The following STRN variants were observed in gnomAD, a reference collection of about 807,000 sequenced individuals.
STRN encodes the protein protein phosphatase 2 regulatory subunit B'''alpha.
Under a neutral mutation model 96.3 loss-of-function variants are expected in STRN, and 53 were observed. That is an observed-to-expected ratio of 0.55 (90% confidence interval 0.44 to 0.69). STRN has a LOEUF of 0.69. Among genes scored for constraint, STRN ranks in the 30% least tolerant of loss-of-function variants. The pLI is 0.00. For synonymous variants in STRN, 428 were observed against 355.9 expected, an observed-to-expected ratio of 1.20 and a Z score of -2.28; for missense variants, 987 against 963.9, an observed-to-expected ratio of 1.02 and a Z score of -0.32.
chr2:36,860,234 G>A (rs905452795), intron 13 of STRN, among the ~76,000 whole-genome samples: 4 of 152,152 alleles, frequency 2.6e-5, no homozygotes, highest in African/African-American at 9.7e-5. Flanking sequence ...AGTCACAAAA[G>A]AAACTAAAAT....
At chr2:36,949,029 G>A (rs945472777) in intron 1 of STRN, among the ~76,000 whole-genome samples, 9 of 152,186 alleles carry the variant, frequency 5.9e-5, no homozygotes, top group Admixed American at 3.3e-4. Context: ...ATACATGATG[G>A]TGGTCCCATA....
chr2:36,922,787 T>C (rs905330523), intron 2 of STRN, among the ~76,000 whole-genome samples: 16 of 151,952 alleles, frequency 1.1e-4, no homozygotes, highest in Admixed American at 3.9e-4. Context: ...CACCTTCTTA[T>C]TTGATGCTAT....
chr2:36,908,546 G>T (rs539985538), intron 3 of STRN, among the ~76,000 whole-genome samples: 2 of 152,228 alleles, frequency 1.3e-5, no homozygotes, highest in Middle Eastern at 6.8e-3. Flanking sequence ...GGAGAGATTT[G>T]TGAAAACACT....
intron 3 of STRN, among the ~76,000 whole-genome samples, chr2:36,915,183 CA>C (rs1314006187): frequency 8.2e-6 from 1 of 121,566 alleles, no homozygotes; most frequent in Non-Finnish European, 1.7e-5. Context: ...GGTGACAGAG[CA>C]AGACTCCGTC....
intron 2 of STRN, among the ~76,000 whole-genome samples, chr2:36,919,738 T>C (rs1670200666): frequency 6.6e-6 from 1 of 152,204 alleles, no homozygotes; most frequent in Admixed American, 6.5e-5. Context: ...GACAGTTAAG[T>C]TACTACAGTA....
intron 3 of STRN, among the ~76,000 whole-genome samples, chr2:36,912,455 A>G (rs1669987671): frequency 6.6e-6 from 1 of 152,200 alleles, no homozygotes; most frequent in Non-Finnish European, 1.5e-5. Flanking sequence ...CTGAGAATTA[A>G]CCAGTAGTGG....
intron 5 of STRN, among the ~76,000 whole-genome samples, chr2:36,901,839 C>T (rs1669691717): frequency 6.6e-6 from 1 of 152,220 alleles, no homozygotes; most frequent in African/African-American, 2.4e-5. Context: ...AATTTATATT[C>T]CAAATAGCAG....
intron 15 of STRN, among the ~76,000 whole-genome samples, chr2:36,852,875 G>A (rs1668254555): frequency 6.6e-6 from 1 of 152,136 alleles, no homozygotes; most frequent in Non-Finnish European, 1.5e-5. Context: ...TATAAAATGT[G>A]GCTGGGCACG....
At chr2:36,954,827 C>G (rs540925872) in intron 1 of STRN, among the ~76,000 whole-genome samples, 3 of 151,844 alleles carry the variant, frequency 2.0e-5, no homozygotes, top group Admixed American at 6.6e-5. Flanking sequence ...TTAGTAGAAA[C>G]GGGGTTTCAC....
At chr2:36,941,163 A>C (rs1265142449) in intron 1 of STRN, among the ~76,000 whole-genome samples, 1 of 152,220 alleles carries the variant, frequency 6.6e-6, no homozygotes, top group Non-Finnish European at 1.5e-5. Context: ...TCTCAAAACA[A>C]AGGAAGTAAA....
At chr2:36,951,990 C>T (rs752574399) in intron 1 of STRN, among the ~76,000 whole-genome samples, 1 of 152,232 alleles carries the variant, frequency 6.6e-6, no homozygotes, top group Non-Finnish European at 1.5e-5. Context: ...TTGTGCGGCA[C>T]TCCCAAGAAT....
intron 9 of STRN, among the ~76,000 whole-genome samples, chr2:36,880,111 G>T (rs1309456870): frequency 6.6e-6 from 1 of 152,164 alleles, no homozygotes; most frequent in Non-Finnish European, 1.5e-5. Flanking sequence ...GAGATTACAG[G>T]CACCTGCCAC....
chr2:36,861,068 T>C (rs1572628361), intron 13 of STRN, 64 bp downstream of exon 13: 2 of 1,582,264 alleles, frequency 1.3e-6, no homozygotes, highest in East Asian at 2.2e-5. Flanking sequence ...TCCTTTTATA[T>C]TCTATGAAAA....
At chr2:36,874,827 G>A (rs542747625) in intron 10 of STRN, among the ~76,000 whole-genome samples, 100 of 150,706 alleles carry the variant, frequency 6.6e-4, no homozygotes, top group Non-Finnish European at 1.2e-3. Flanking sequence ...GACACAGAGA[G>A]AACTGGATAC....
intron 1 of STRN, among the ~76,000 whole-genome samples, chr2:36,948,655 C>T (rs543543609): frequency 7.9e-5 from 12 of 152,226 alleles, no homozygotes; most frequent in Non-Finnish European, 1.3e-4. Flanking sequence ...CAGTTACTTG[C>T]ATGTAGTAGA....
At chr2:36,936,817 T>C (rs1192166796) in intron 1 of STRN, among the ~76,000 whole-genome samples, 1 of 152,228 alleles carries the variant, frequency 6.6e-6, no homozygotes, top group Non-Finnish European at 1.5e-5. Context: ...CTTCTTTCTA[T>C]TTGTTGTTAC....
At chr2:36,885,838 A>T (rs1360138860) in intron 8 of STRN, among the ~76,000 whole-genome samples, 1 of 152,130 alleles carries the variant, frequency 6.6e-6, no homozygotes, top group Admixed American at 6.5e-5. Flanking sequence ...CTCACTTTAT[A>T]CTACCTTAAC....
At chr2:36,850,530 T>A (rs1668193013) in intron 16 of STRN, among the ~76,000 whole-genome samples, 1 of 152,180 alleles carries the variant, frequency 6.6e-6, no homozygotes, top group African/African-American at 2.4e-5. Flanking sequence ...ACCTGGAGGT[T>A]TTCCATCCGC....
intron 1 of STRN, among the ~76,000 whole-genome samples, chr2:36,943,116 A>G (rs148731727): frequency 6.6e-6 from 1 of 152,302 alleles, no homozygotes; most frequent in East Asian, 1.9e-4. Context: ...AATGCTCAAA[A>G]AGAGAGTTCA....
Sources: allele counts gnomAD v4.1 joint callset (sites outside exome capture counted in the v4.1 genomes callset), GRCh38; gene constraint gnomAD v4.1.1; transcripts MANE v1.5; gene names NCBI Gene and HGNC (gene_info 2026-07-23, HGNC 2026-07-21).